Variants in MEI4 observed in about 807,000 individuals in gnomAD.
MEI4 encodes the protein meiotic double-stranded break formation protein 4, also known as meiosis-specific protein MEI4.
In MEI4, 27 loss-of-function variants were observed where a neutral mutation model predicts 31.4. The observed-to-expected ratio is 0.86, with a 90% CI of 0.63 to 1.19. MEI4 has a LOEUF of 1.19. Among genes scored for constraint, MEI4 ranks in the 50% most tolerant of loss-of-function variants. The pLI, the probability that MEI4 is intolerant of heterozygous loss-of-function variation, is 0.00. For synonymous variants in MEI4, 122 were observed against 145.4 expected (o/e 0.84, Z 1.16); for missense variants, 329 against 398.9 (o/e 0.82, Z 1.49).
intron 1 of MEI4, among the ~76,000 whole-genome samples, chr6:77,671,907 T>C (rs1715225792): frequency 6.6e-6 from 1 of 152,312 alleles, no homozygotes; most frequent in Non-Finnish European, 1.5e-5. Flanking sequence ...CCTGCCTAGA[T>C]AGAGTTCTCA....
At chr6:77,889,125 G>T (rs1404886924) in intron 4 of MEI4, among the ~76,000 whole-genome samples, 1 of 152,092 alleles carries the variant, frequency 6.6e-6, no homozygotes, top group Non-Finnish European at 1.5e-5. Flanking sequence ...CAGAGAGTGG[G>T]ATGCTGTTGT....
At chr6:77,896,808 G>C (rs1407737723) in intron 4 of MEI4, among the ~76,000 whole-genome samples, 1 of 152,006 alleles carries the variant, frequency 6.6e-6, no homozygotes, top group Non-Finnish European at 1.5e-5. Flanking sequence ...CTCTAGATGA[G>C]CAATTCACAA....
intron 4 of MEI4, among the ~76,000 whole-genome samples, chr6:77,915,927 T>C (rs1347563835): frequency 6.6e-6 from 1 of 152,060 alleles, no homozygotes; most frequent in African/African-American, 2.4e-5. Context: ...ATGGTGCCAA[T>C]GTCACATATT....
At chr6:77,916,269 T>A (rs566635851) in intron 4 of MEI4, among the ~76,000 whole-genome samples, 1 of 152,254 alleles carries the variant, frequency 6.6e-6, no homozygotes, top group South Asian at 2.1e-4. Flanking sequence ...TTATTTTCCA[T>A]AATAAATTGT....
intron 2 of MEI4, among the ~76,000 whole-genome samples, chr6:77,737,184 G>A (rs4708363): frequency 0.32 from 49,038 of 152,076 alleles, 8,239 homozygotes; most frequent in East Asian, 0.49. Flanking sequence ...AGTGTATGCT[G>A]TGCATTTCTA....
chr6:77,879,905 G>A (rs56054539), intron 4 of MEI4, among the ~76,000 whole-genome samples: 7,879 of 152,226 alleles, frequency 0.052, 260 homozygotes, highest in Middle Eastern at 0.078. Context: ...CAAAACAAGA[G>A]AGAATAGAGA....
At chr6:77,866,318 T>C (rs950310777) in intron 4 of MEI4, among the ~76,000 whole-genome samples, 2 of 152,154 alleles carry the variant, frequency 1.3e-5, no homozygotes, top group African/African-American at 4.8e-5. Context: ...CATGATTGTA[T>C]ATCTAGAAAA....
intron 4 of MEI4, among the ~76,000 whole-genome samples, chr6:77,911,122 TTTA>T (rs761990839): frequency 6.6e-6 from 1 of 152,032 alleles, no homozygotes; most frequent in Non-Finnish European, 1.5e-5. Flanking sequence ...TTATTTATTT[TTTA>T]TTGTTGCATT....
chr6:77,890,333 A>G (rs1771728769), intron 4 of MEI4, among the ~76,000 whole-genome samples: 1 of 152,208 alleles, frequency 6.6e-6, no homozygotes, highest in African/African-American at 2.4e-5. Context: ...AATATGAGAC[A>G]TGGAGGCAAA....
At position 77,754,013 on chromosome 6, in the gene MEI4, A is replaced by G. The variant is rs145486979; in HGVS notation, c.233-7117A>G. On this transcript the variant is annotated intron_variant, in intron 2 of 4. Coordinates refer to ENST00000684080, the MANE Select transcript of MEI4 (RefSeq NM_001322247.2). ...AACTAACACATCAGCAGAAAACCAA[A>G]CACCGCATGTCTCACTCATAAGTGG... Among the ~76,000 whole-genome samples the G allele has an allele frequency of 5.1e-4, 77 of 152,142 alleles. No individual in the cohort carries two copies. In the East Asian group the frequency reaches 0.012, roughly 23 times the overall value.
chr6:77,753,513 C>T (rs971056670), intron 2 of MEI4, among the ~76,000 whole-genome samples: 1 of 152,228 alleles, frequency 6.6e-6, no homozygotes, highest in South Asian at 2.1e-4. Context: ...CTCAGCATCG[C>T]TGATCATTAG....
intron 2 of MEI4, among the ~76,000 whole-genome samples, chr6:77,705,607 T>C (rs1448479909): frequency 6.6e-6 from 1 of 152,118 alleles, no homozygotes; most frequent in African/African-American, 2.4e-5. Context: ...AGAAGTATAG[T>C]GATTGGAAAT....
intron 2 of MEI4, among the ~76,000 whole-genome samples, chr6:77,733,227 G>A (rs958149007): frequency 2.0e-5 from 3 of 151,918 alleles, no homozygotes; most frequent in Non-Finnish European, 4.4e-5. Flanking sequence ...AGTACCTCTG[G>A]TAGAATTTGG....
At chr6:77,881,391 A>G (rs1771486968) in intron 4 of MEI4, among the ~76,000 whole-genome samples, 1 of 152,162 alleles carries the variant, frequency 6.6e-6, no homozygotes, top group African/African-American at 2.4e-5. Context: ...AAAGTATACC[A>G]TTTTCAAAAT....
At chr6:77,705,365 A>G (rs567976271) in intron 2 of MEI4, among the ~76,000 whole-genome samples, 5 of 152,368 alleles carry the variant, frequency 3.3e-5, no homozygotes, top group East Asian at 1.9e-4. Flanking sequence ...AATGTATTGC[A>G]TAAATGAATG....
At chr6:77,791,295 T>C (rs1229534564) in intron 3 of MEI4, among the ~76,000 whole-genome samples, 3 of 151,948 alleles carry the variant, frequency 2.0e-5, no homozygotes, top group African/African-American at 7.3e-5. Context: ...TCTCCAACAA[T>C]GATAGACTGG....
intron 2 of MEI4, among the ~76,000 whole-genome samples, chr6:77,732,134 C>G (rs1279701581): frequency 1.3e-5 from 2 of 151,264 alleles, no homozygotes; most frequent in Non-Finnish European, 2.9e-5. Context: ...TCCATATGAA[C>G]TTGAAAGTAG....
At chr6:77,736,367 G>A (rs957107328) in intron 2 of MEI4, among the ~76,000 whole-genome samples, 15 of 152,076 alleles carry the variant, frequency 9.9e-5, no homozygotes, top group Admixed American at 2.0e-4. Flanking sequence ...TTGGAAAAGC[G>A]CAGTATTTGG....
chr6:77,761,731 A>G, intron 3 of MEI4, 66 bp downstream of exon 3: 2 of 1,099,406 alleles, frequency 1.8e-6, no homozygotes, highest in Non-Finnish European at 2.3e-6. Context: ...TCTTTGGGTA[A>G]TGTCTGTTGT....
Sources: gnomAD v4.1 joint callset for allele counts (sites outside exome capture counted in the v4.1 genomes callset) on GRCh38, gnomAD v4.1.1 for gene constraint, MANE v1.5 for transcripts, NCBI Gene and HGNC (gene_info 2026-07-23, HGNC 2026-07-21) for gene names.